MOB1B: variants seen among roughly 807,000 people sequenced by gnomAD.
MOB1B encodes MOB kinase activator 1B.
Under a neutral mutation model 24.4 loss-of-function variants are expected in MOB1B, and 19 were observed. The observed-to-expected ratio is 0.78, with a 90% CI of 0.54 to 1.14. MOB1B has a LOEUF of 1.14. MOB1B is among the 50% of genes most tolerant of loss of function. MOB1B has a pLI of 0.00. For synonymous variants in MOB1B, 76 were observed against 82.1 expected, an observed-to-expected ratio of 0.93 and a Z score of 0.40; for missense variants, 243 against 259.6, an observed-to-expected ratio of 0.94 and a Z score of 0.44.
rs754538744 is a variant in MOB1B at position 70,975,310 on chromosome 4, G to GA, written c.409+25dup. Reference sequence around the variant, plus strand: ...TGGTATAATTAATTTTTGTAAGGGGGATCCATCATGATTTATCTTTTATAT... The same window carrying GA: ...TGGTATAATTAATTTTTGTAAGGGGGAATCCATCATGATTTATCTTTTATAT... On this transcript the variant is annotated intron_variant, in intron 4 of 5. Coordinates refer to ENST00000309395, the MANE Select transcript of MOB1B (RefSeq NM_173468.4). 21 of 1,605,298 alleles carry GA rather than the reference G, an allele frequency of 1.3e-5. No individual in the cohort carries two copies. In the East Asian group the frequency reaches 4.7e-4, roughly 36 times the overall value.
intron 1 of MOB1B, among the ~76,000 whole-genome samples, chr4:70,931,305 A>G (rs1286859023): frequency 6.6e-6 from 1 of 152,234 alleles, no homozygotes. Context: ...ATATGTCTAG[A>G]ACTGTGTATG....
At chr4:70,922,555 A>G (rs1462978939) in intron 1 of MOB1B, among the ~76,000 whole-genome samples, 3 of 152,220 alleles carry the variant, frequency 2.0e-5, no homozygotes, top group African/African-American at 4.8e-5. Flanking sequence ...TCAGATGTGC[A>G]TTTATCTCAG....
intron 1 of MOB1B, chr4:70,950,875 T>A: frequency 1.1e-6 from 1 of 902,392 alleles, no homozygotes; most frequent in Non-Finnish European, 1.8e-6. Flanking sequence ...TAAGTTTCAG[T>A]AGTAAGGTAG....
chr4:70,948,461 TG>T (rs1019860412), intron 1 of MOB1B, among the ~76,000 whole-genome samples: 1 of 152,208 alleles, frequency 6.6e-6, no homozygotes, highest in Non-Finnish European at 1.5e-5. Context: ...TTCCCCTCAC[TG>T]TGGTTAATAT....
At chr4:70,979,090 C>T (rs754544884) in intron 4 of MOB1B, 38 bp from the exon 5 acceptor site, 1 of 1,549,426 alleles carries the variant, frequency 6.5e-7, no homozygotes, top group Admixed American at 1.8e-5. Flanking sequence ...TTGTTGTCAT[C>T]TCTTGTTACT....
chr4:70,964,118 T>C (rs1738421132), intron 2 of MOB1B, among the ~76,000 whole-genome samples: 1 of 152,234 alleles, frequency 6.6e-6, no homozygotes, highest in African/African-American at 2.4e-5. Context: ...CTCAAAAGTT[T>C]ATTAATATTA....
intron 1 of MOB1B, among the ~76,000 whole-genome samples, chr4:70,958,123 A>G (rs1035213255): frequency 6.7e-6 from 1 of 150,264 alleles, no homozygotes. Flanking sequence ...GATTACTGAT[A>G]CTTCCTATAA....
intron 1 of MOB1B, among the ~76,000 whole-genome samples, chr4:70,933,804 C>T (rs1383186320): frequency 6.6e-6 from 1 of 151,996 alleles, no homozygotes; most frequent in Non-Finnish European, 1.5e-5. Flanking sequence ...TCCACCTTGG[C>T]CTCCCAAAGT....
chr4:70,910,352 A>G (rs950377283), intron 1 of MOB1B, among the ~76,000 whole-genome samples: 2 of 152,082 alleles, frequency 1.3e-5, no homozygotes, highest in Admixed American at 1.3e-4. Flanking sequence ...ATCCTGCCTT[A>G]TACTATCATC....
chr4:70,952,918 T>A (rs1737870626), intron 1 of MOB1B, among the ~76,000 whole-genome samples: 1 of 150,174 alleles, frequency 6.7e-6, no homozygotes, highest in South Asian at 2.1e-4. Flanking sequence ...GAAGACTCTG[T>A]CATTTTGTCA....
At chr4:70,943,152 A>G (rs1312452927) in intron 1 of MOB1B, among the ~76,000 whole-genome samples, 1 of 152,220 alleles carries the variant, frequency 6.6e-6, no homozygotes, top group East Asian at 1.9e-4. Flanking sequence ...AAATAAAACC[A>G]TAGGGTCATT....
chr4:70,959,344 G>A (rs977857695), intron 2 of MOB1B, among the ~76,000 whole-genome samples: 1 of 152,084 alleles, frequency 6.6e-6, no homozygotes, highest in African/African-American at 2.4e-5. Context: ...AGCGTAGCTG[G>A]GACTGTAGGC....
intron 1 of MOB1B, among the ~76,000 whole-genome samples, chr4:70,905,467 T>C (rs919333521): frequency 1.3e-5 from 2 of 151,990 alleles, no homozygotes; most frequent in African/African-American, 4.8e-5. Flanking sequence ...CAGGCTGGTC[T>C]CCTGGGCTCA....
chr4:70,980,233 T>A (rs1408120163), intron 5 of MOB1B, among the ~76,000 whole-genome samples: 1 of 152,218 alleles, frequency 6.6e-6, no homozygotes, highest in African/African-American at 2.4e-5. Flanking sequence ...GCCAAAACTG[T>A]TGCTCTCAAC....
At chr4:70,975,459 T>G in intron 4 of MOB1B, 173 bp downstream of exon 4, 1 of 1,334,312 alleles carries the variant, frequency 7.5e-7, no homozygotes, top group Non-Finnish European at 9.6e-7. Context: ...AACCCAGTGG[T>G]AAAATAAGCA....
intron 2 of MOB1B, 70 bp from the exon 3 acceptor site, chr4:70,969,861 C>T (rs1176825720): frequency 3.5e-6 from 3 of 853,206 alleles, no homozygotes; most frequent in Non-Finnish European, 5.8e-6. Context: ...CTATTCTGTT[C>T]AAGTACAATT....
rs971049854 is a variant in MOB1B, at chr4:70,973,816, T to C, written c.276-1337T>C. Reference sequence around the variant, plus strand: ...GTCTACAGAATGTTTAATTCAGGTATAGCTTGTTTAGTATTATTGTTCAGG... The same window carrying C: ...GTCTACAGAATGTTTAATTCAGGTACAGCTTGTTTAGTATTATTGTTCAGG... On this transcript the variant is annotated intron_variant, in intron 3 of 5. Transcript: ENST00000309395. Among the ~76,000 whole-genome samples the C allele has an allele frequency of 6.8e-4, 104 of 152,342 alleles. 1 individual carries two copies. The highest frequency in any genetic ancestry group is 2.4e-3 in the African/African-American group (100 of 41,584).
intron 2 of MOB1B, among the ~76,000 whole-genome samples, chr4:70,965,420 ATTAT>A (rs910571212): frequency 1.3e-4 from 20 of 150,272 alleles, no homozygotes; most frequent in Admixed American, 3.3e-4. Flanking sequence ...TAAAATATTA[ATTAT>A]TTAATAATAT....
rs556643517 is a variant in MOB1B, at chr4:70,987,158, C to T, written c.*5101C>T. On this transcript the variant is annotated 3_prime_UTR_variant, in exon 6 of 6. Transcript: ENST00000309395. ...ATTGTTAGAGATTCTGAAGTATTTA[C>T]TGTCAATTCATAGGTTTCAGTTTAT... 1 of 152,042 alleles carries T rather than the reference C, an allele frequency of 6.6e-6. No individual in the cohort carries two copies. Among genetic ancestry groups the T allele is most frequent in the African/African-American group, 2.4e-5 (1 of 41,430 alleles). 9.4% of individuals were successfully genotyped at this position (152,042 alleles called of 1,614,324 possible).
Sources: gnomAD v4.1 joint callset for allele counts (sites outside exome capture counted in the v4.1 genomes callset) on GRCh38, gnomAD v4.1.1 for gene constraint, MANE v1.5 for transcripts, NCBI Gene and HGNC (gene_info 2026-07-23, HGNC 2026-07-21) for gene names.